The following CPQ variants were observed in gnomAD, a reference collection of about 807,000 sequenced individuals.
CPQ encodes carboxypeptidase Q, also known as Ser-Met dipeptidase.
In CPQ, 37 loss-of-function variants were observed where a neutral mutation model predicts 45.7. That is an observed-to-expected ratio of 0.81 (90% confidence interval 0.62 to 1.07). The LOEUF (loss-of-function observed/expected upper bound fraction) is 1.07, where lower values mean the gene tolerates loss of function less well. Ranked by LOEUF, CPQ falls within the 50% of genes least tolerant of loss-of-function variation. The pLI, the probability that CPQ is intolerant of heterozygous loss-of-function variation, is 0.00. For missense variants in CPQ, 537 were observed against 572.9 expected (o/e 0.94, Z 0.64); for synonymous variants, 186 against 205.8 (o/e 0.90, Z 0.82).
At chr8:96,900,920 A>G (rs1162468439) in intron 4 of CPQ, among the ~76,000 whole-genome samples, 1 of 152,190 alleles carries the variant, frequency 6.6e-6, no homozygotes, top group Non-Finnish European at 1.5e-5. Flanking sequence ...TCTTGTCTTC[A>G]TGAGAACTCA....
intron 1 of CPQ, among the ~76,000 whole-genome samples, chr8:96,665,584 G>T (rs1215968338): frequency 6.6e-6 from 1 of 152,216 alleles, no homozygotes; most frequent in Non-Finnish European, 1.5e-5. Context: ...GGTTTCAAGT[G>T]AAAGTAATTC....
chr8:97,043,384 G>A (rs1446364168), intron 6 of CPQ, among the ~76,000 whole-genome samples: 1 of 151,786 alleles, frequency 6.6e-6, no homozygotes, highest in Non-Finnish European at 1.5e-5. Context: ...GTGTGTCTCT[G>A]CACGTGAGAT....
At chr8:96,670,230 T>G (rs1332707840) in intron 1 of CPQ, among the ~76,000 whole-genome samples, 8 of 152,148 alleles carry the variant, frequency 5.3e-5, no homozygotes, top group Admixed American at 5.2e-4. Flanking sequence ...AACAGTTGTT[T>G]ACAGCATGAG....
chr8:96,820,402 T>C (rs956486043), intron 2 of CPQ, among the ~76,000 whole-genome samples: 1 of 152,104 alleles, frequency 6.6e-6, no homozygotes, highest in African/African-American at 2.4e-5. Flanking sequence ...ACCATCTTTA[T>C]CTTTTTTAAG....
chr8:96,959,534 A>G (rs1813415700), intron 4 of CPQ, among the ~76,000 whole-genome samples: 1 of 152,104 alleles, frequency 6.6e-6, no homozygotes. Flanking sequence ...GCTCGCTTAT[A>G]TGACCCTAAC....
At chr8:96,852,880 G>A (rs1408004957) in intron 3 of CPQ, among the ~76,000 whole-genome samples, 3 of 152,144 alleles carry the variant, frequency 2.0e-5, no homozygotes. Context: ...TTTCTTCTTG[G>A]AAGTTTCCAA....
intron 1 of CPQ, among the ~76,000 whole-genome samples, chr8:96,678,841 C>A (rs1208116052): frequency 6.7e-6 from 1 of 149,156 alleles, no homozygotes; most frequent in African/African-American, 2.5e-5. Context: ...AAATAGTCCG[C>A]AAATATTTTC....
chr8:97,143,014 C>T lies in CPQ; in HGVS notation c.1256-6C>T, dbSNP rs1335683488. ...CCACTAAGAATTCTTCCTCTTTTAT[C>T]CCCAGGAGCCAGTCTACTTGATGAC... On this transcript the variant is annotated splice_region_variant and splice_polypyrimidine_tract_variant and intron_variant, in intron 7 of 7. Coordinates refer to ENST00000220763, the MANE Select transcript of CPQ (RefSeq NM_016134.4). The T allele has an allele frequency of 5.0e-6, 8 of 1,613,034 alleles. No individual in the cohort carries two copies. In the South Asian group the frequency reaches 7.7e-5, roughly 16 times the overall value.
intron 2 of CPQ, among the ~76,000 whole-genome samples, chr8:96,798,050 C>CA (rs796338469): frequency 0.032 from 4,450 of 137,538 alleles, 219 homozygotes; most frequent in African/African-American, 0.1. Flanking sequence ...GACTCCATCT[C>CA]AAAAAAAAAA....
chr8:96,994,440 G>C (rs1354100526), intron 5 of CPQ, among the ~76,000 whole-genome samples: 1 of 152,066 alleles, frequency 6.6e-6, no homozygotes, highest in Non-Finnish European at 1.5e-5. Flanking sequence ...CTCACATCTG[G>C]GGTCTACCCA....
chr8:96,693,591 C>G (rs192565288), intron 1 of CPQ, among the ~76,000 whole-genome samples: 9 of 152,014 alleles, frequency 5.9e-5, no homozygotes, highest in African/African-American at 2.2e-4. Context: ...AATCTTTTAC[C>G]ATGGAATAGT....
intron 1 of CPQ, among the ~76,000 whole-genome samples, chr8:96,747,322 A>G (rs1367850784): frequency 6.6e-6 from 1 of 151,274 alleles, no homozygotes; most frequent in Non-Finnish European, 1.5e-5. Context: ...TGTTTGACTC[A>G]TTATTTGAAT....
chr8:96,972,196 C>A (rs746935776), intron 5 of CPQ, among the ~76,000 whole-genome samples: 2 of 152,172 alleles, frequency 1.3e-5, no homozygotes, highest in Non-Finnish European at 2.9e-5. Context: ...TTCAGGATTG[C>A]AGGCTGCATG....
intron 1 of CPQ, among the ~76,000 whole-genome samples, chr8:96,669,790 G>A (rs1808977593): frequency 6.6e-6 from 1 of 152,138 alleles, no homozygotes; most frequent in Non-Finnish European, 1.5e-5. Context: ...TTGGAAAGGA[G>A]AGAAAAACAT....
intron 1 of CPQ, among the ~76,000 whole-genome samples, chr8:96,723,688 T>G (rs901045225): frequency 6.6e-6 from 1 of 152,138 alleles, no homozygotes; most frequent in Admixed American, 6.6e-5. Flanking sequence ...ATTTTAGAAC[T>G]CAAAGGGAAT....
At chr8:96,971,053 A>G (rs945715261) in intron 5 of CPQ, among the ~76,000 whole-genome samples, 5 of 152,072 alleles carry the variant, frequency 3.3e-5, no homozygotes, top group African/African-American at 1.2e-4. Context: ...GAGAGTATTC[A>G]CTCCGTGGGT....
intron 7 of CPQ, among the ~76,000 whole-genome samples, chr8:97,096,302 T>C (rs548335474): frequency 6.6e-6 from 1 of 152,294 alleles, no homozygotes; most frequent in East Asian, 1.9e-4. Flanking sequence ...ATTATCTATG[T>C]CCTGATACTA....
chr8:96,748,544 G>A (rs570738909), intron 1 of CPQ, among the ~76,000 whole-genome samples: 10 of 151,534 alleles, frequency 6.6e-5, no homozygotes, highest in African/African-American at 1.5e-4. Flanking sequence ...ATTTTAGACC[G>A]TAAGCATTTA....
chr8:96,869,919 T>A (rs1050816039), intron 3 of CPQ, among the ~76,000 whole-genome samples: 2 of 152,020 alleles, frequency 1.3e-5, no homozygotes, highest in Admixed American at 1.3e-4. Flanking sequence ...CTAGCAAAAT[T>A]CAATAAACAT....
Sources: allele counts gnomAD v4.1 joint callset (sites outside exome capture counted in the v4.1 genomes callset), GRCh38; gene constraint gnomAD v4.1.1; transcripts MANE v1.5; gene names NCBI Gene and HGNC (gene_info 2026-07-23, HGNC 2026-07-21).